Variants in ALG1L2 observed in about 807,000 individuals in gnomAD.
ALG1L2 encodes the protein ALG1 chitobiosyldiphosphodolichol beta-mannosyltransferase like 2.
A neutral mutation model predicts 29.0 loss-of-function variants in ALG1L2; 32 were observed. The observed-to-expected ratio is 1.10, with a 90% CI of 0.83 to 1.48. ALG1L2 has a LOEUF of 1.48. Among genes scored for constraint, ALG1L2 ranks in the 40% most tolerant of loss-of-function variants. The pLI is 0.00. For missense variants in ALG1L2, 318 were observed against 274.1 expected, an observed-to-expected ratio of 1.16 and a Z score of -1.13; for synonymous variants, 110 against 109.5, an observed-to-expected ratio of 1.00 and a Z score of -0.03.
At chr3:130,082,488 C>A (rs1407625338) in intron 1 of ALG1L2, among the ~76,000 whole-genome samples, 2 of 132,942 alleles carry the variant, frequency 1.5e-5, no homozygotes, top group Admixed American at 7.8e-5. Context: ...CAGCCACCTG[C>A]CACCACGCCT....
intron 1 of ALG1L2, among the ~76,000 whole-genome samples, chr3:130,088,143 G>T (rs114385300): frequency 6.6e-6 from 1 of 151,438 alleles, no homozygotes; most frequent in African/African-American, 2.5e-5. Context: ...GATGGGAGAC[G>T]TTGCGTCAGA....
intron 5 of ALG1L2, among the ~76,000 whole-genome samples, chr3:130,095,642 A>T (rs1935113878): frequency 6.6e-6 from 1 of 150,718 alleles, no homozygotes; most frequent in African/African-American, 2.4e-5. Flanking sequence ...GGGTTTCACC[A>T]TGTTGACCAG....
chr3:130,090,328 C>T (rs1700349165), intron 1 of ALG1L2, among the ~76,000 whole-genome samples: 1 of 152,310 alleles, frequency 6.6e-6, no homozygotes, highest in Non-Finnish European at 1.5e-5. Flanking sequence ...GCGCTCCAGC[C>T]TGGGCGACAG....
In ALG1L2 at chr3:130,098,345, C is replaced by A; in HGVS notation, c.*90C>A. 6.3e-7 allele frequency: 1 copy of A among 1,596,406 alleles called. No individual in the cohort carries two copies. Among genetic ancestry groups the A allele is most frequent in the Non-Finnish European group, 8.5e-7 (1 of 1,179,744 alleles). The stretch of plus-strand genomic sequence containing the variant: ...GAGAGCTGGGTGCAGACTGTGCTCC[C>A]TTTGGTTATGGACACATAACTCCTG... On this transcript the variant is annotated 3_prime_UTR_variant, in exon 8 of 8. Coordinates refer to ENST00000425059, the MANE Select transcript of ALG1L2 (RefSeq NM_001136152.1).
At chr3:130,092,995 A>G in intron 3 of ALG1L2, 106 bp from the exon 4 acceptor site, 2 of 1,168,664 alleles carry the variant, frequency 1.7e-6, no homozygotes, top group Non-Finnish European at 2.4e-6. Flanking sequence ...ATGCCATTGC[A>G]TTCCAGCCTG....
chr3:130,090,118 G>A (rs185582088), intron 1 of ALG1L2, among the ~76,000 whole-genome samples: 475 of 152,362 alleles, frequency 3.1e-3, no homozygotes, highest in Non-Finnish European at 5.3e-3. Flanking sequence ...CATTTTGGGC[G>A]GCCGAGGCAG....
rs749308345 is a variant in ALG1L2, at chr3:130,096,231, C to T, written c.539+68C>T. 47 of 1,549,516 alleles carry T rather than the reference C, an allele frequency of 3.0e-5. No homozygotes were observed. In the East Asian group the frequency reaches 7.9e-4, roughly 26 times the overall value. On this transcript the variant is annotated intron_variant, in intron 6 of 7. Coordinates refer to ENST00000425059, the MANE Select transcript of ALG1L2 (RefSeq NM_001136152.1). ...ATCCACCGCTGAGGGGGAAGCAGTGCAGAGTGAGCTGCCCACAGTGAGGCC... is the reference window on the plus strand; with the variant it reads ...ATCCACCGCTGAGGGGGAAGCAGTGTAGAGTGAGCTGCCCACAGTGAGGCC...
At chr3:130,094,328 G>C (rs1935083881) in intron 4 of ALG1L2, 75 bp from the exon 5 acceptor site, 1 of 1,528,036 alleles carries the variant, frequency 6.5e-7, no homozygotes, top group African/African-American at 1.4e-5. Flanking sequence ...CTCCTAGGGG[G>C]GAGTGTCTTG....
At chr3:130,087,874 A>G (rs1559785602) in intron 1 of ALG1L2, among the ~76,000 whole-genome samples, 1 of 151,366 alleles carries the variant, frequency 6.6e-6, no homozygotes, top group Non-Finnish European at 1.5e-5. Flanking sequence ...CCCAACCCAG[A>G]GATTCATAGT....
Position 130,092,143 on chromosome 3 carries a change from G to A in ALG1L2, c.174G>A (p.Thr58=), listed in dbSNP as rs777395494. 159 of 1,613,460 alleles carry A rather than the reference G, an allele frequency of 9.9e-5. 1 individual carries two copies. Among genetic ancestry groups the A allele is most frequent in the South Asian group, 1.9e-4 (17 of 91,054 alleles). The change falls in exon 3 of 8, where the codon ACG becomes ACA. Residue 58 remains threonine, a synonymous_variant. Transcript: ENST00000425059. ...CAGACACAGAGCGGTCGGCCTTCAC[G>A]GAGCGGGATTCTGGGAGCGGGCTGG... The part of the protein sequence containing the change: ...EDPDTERSAF[T]ERDSGSGLVT...
intron 6 of ALG1L2, 99 bp downstream of exon 6, chr3:130,096,262 C>G: frequency 1.4e-6 from 2 of 1,396,180 alleles, no homozygotes; most frequent in African/African-American, 1.4e-5. Context: ...AGGCCCTGCC[C>G]CTCGGTCAGT....
At chr3:130,097,720 A>C (rs1370712950) in intron 7 of ALG1L2, among the ~76,000 whole-genome samples, 1 of 152,226 alleles carries the variant, frequency 6.6e-6, no homozygotes, top group African/African-American at 2.4e-5. Context: ...TGGGTCCCCC[A>C]GTCTCTGTCA....
chr3:130,082,216 T>A (rs1441727369), intron 1 of ALG1L2, among the ~76,000 whole-genome samples, 180 bp downstream of exon 1: 1 of 147,652 alleles, frequency 6.8e-6, no homozygotes, highest in Non-Finnish European at 1.5e-5. Context: ...GGATGGAAAT[T>A]GAGATGAATT....
intron 1 of ALG1L2, among the ~76,000 whole-genome samples, chr3:130,088,883 A>C (rs1934950515): frequency 6.6e-6 from 1 of 152,300 alleles, no homozygotes; most frequent in South Asian, 2.1e-4. Context: ...TAAATTACCC[A>C]GTCTCAGGTA....
At chr3:130,094,046 G>C (rs1457515275) in intron 4 of ALG1L2, 2 of 301,040 alleles carry the variant, frequency 6.6e-6, no homozygotes, top group Non-Finnish European at 1.3e-5. Context: ...TGTGGTTTGG[G>C]GGCTGTGCCA....
At chr3:130,096,644 A>T (rs1935140955) in intron 6 of ALG1L2, among the ~76,000 whole-genome samples, 1 of 152,068 alleles carries the variant, frequency 6.6e-6, no homozygotes, top group Non-Finnish European at 1.5e-5. Context: ...CCCAGCATAG[A>T]CGGGTGTTTG....
In ALG1L2 at chr3:130,083,520, C is replaced by CA. The variant is rs1176881901; in HGVS notation, c.20+1491dup. Among the ~76,000 whole-genome samples the CA allele has an allele frequency of 2.2e-4, 29 of 129,896 alleles. 4 individuals carry two copies. Among genetic ancestry groups the CA allele is most frequent in the Non-Finnish European group, 1.2e-4 (7 of 56,156 alleles). 85.2% of individuals were successfully genotyped at this position (129,896 alleles called of 152,430 possible). On this transcript the variant is annotated intron_variant, in intron 1 of 7. Transcript: ENST00000425059. ...GCAACGTCTCACTGTTTCTGTGAGG[C>CA]AAAAAAATGCCACATACAAAGTACA...
intron 4 of ALG1L2, among the ~76,000 whole-genome samples, chr3:130,093,737 C>T (rs986962900): frequency 1.3e-5 from 2 of 152,126 alleles, no homozygotes; most frequent in Non-Finnish European, 2.9e-5. Context: ...TCATTGGTGC[C>T]TTAACCAAGC....
chr3:130,086,540 A>T (rs1346598612), intron 1 of ALG1L2, among the ~76,000 whole-genome samples: 1 of 149,798 alleles, frequency 6.7e-6, no homozygotes, highest in African/African-American at 2.5e-5. Flanking sequence ...AGCCAGGTGC[A>T]GTGGTGCACA....
Sources: allele counts gnomAD v4.1 joint callset (sites outside exome capture counted in the v4.1 genomes callset), GRCh38; gene constraint gnomAD v4.1.1; transcripts MANE v1.5; gene names NCBI Gene and HGNC (gene_info 2026-07-23, HGNC 2026-07-21).